The following TNRC6B variants were observed in gnomAD, a reference collection of about 807,000 sequenced individuals.
TNRC6B encodes trinucleotide repeat containing adaptor 6B.
A neutral mutation model predicts 203.6 loss-of-function variants in TNRC6B; 52 were observed. That is an observed-to-expected ratio of 0.26 (90% CI 0.20 to 0.32). The LOEUF (loss-of-function observed/expected upper bound fraction) is 0.32, where lower values mean the gene tolerates loss of function less well. TNRC6B is among the 10% of genes least tolerant of loss of function. TNRC6B has a pLI of 1.00. For missense variants in TNRC6B, 1,923 were observed against 2,286.2 expected, an observed-to-expected ratio of 0.84 and a Z score of 3.24; for synonymous variants, 838 against 845.7, an observed-to-expected ratio of 0.99 and a Z score of 0.16.
At chr22:40,235,915 C>G (rs192820243) in intron 1 of TNRC6B, among the ~76,000 whole-genome samples, 1 of 152,272 alleles carries the variant, frequency 6.6e-6, no homozygotes, top group African/African-American at 2.4e-5. Context: ...GAGTCCTTGA[C>G]AAAATTTCAA....
chr22:40,161,275 A>G (rs1419438994), intron 4 of TNRC6B, among the ~76,000 whole-genome samples: 2 of 152,158 alleles, frequency 1.3e-5, no homozygotes, highest in East Asian at 3.8e-4. Context: ...AGTTTTGTAT[A>G]TGGTGTGAGG....
At chr22:40,072,591 A>G (rs1428810602) in intron 1 of TNRC6B, among the ~76,000 whole-genome samples, 6 of 152,146 alleles carry the variant, frequency 3.9e-5, no homozygotes, top group Non-Finnish European at 5.9e-5. Context: ...TGGCCTGGCA[A>G]GGTGGCTGAG....
chr22:40,114,555 T>G (rs2068370189), intron 1 of TNRC6B, among the ~76,000 whole-genome samples: 1 of 152,172 alleles, frequency 6.6e-6, no homozygotes, highest in African/African-American at 2.4e-5. Flanking sequence ...ACTCCTGAGC[T>G]TAACTGATCC....
At position 40,280,006 on chromosome 22, in the gene TNRC6B, G is replaced by A. The variant is rs1239744856; in HGVS notation, c.3274G>A (p.Asp1092Asn). 1 of 1,613,756 alleles carries A rather than the reference G, an allele frequency of 6.2e-7. No individual in the cohort carries two copies. The highest frequency in any genetic ancestry group is 8.5e-7 in the Non-Finnish European group (1 of 1,179,842). ...KMDLSVGSLS[D>N]KKFDVDKRAM... Reference sequence around the variant, plus strand: ...ATGCTACTTTTCAGGAAGCCTTTCAGATAAAAAATTTGATGTGGACAAGCG... The same window carrying A: ...ATGCTACTTTTCAGGAAGCCTTTCAAATAAAAAATTTGATGTGGACAAGCG... Residue 1092 changes from aspartate to asparagine, a missense_variant, in exon 10 of 23, where the codon GAT (aspartate) becomes AAT (asparagine). This residue lies in a region of TNRC6B where 599 missense variants were observed against 656.5 expected (regional missense o/e 0.91). Transcript: ENST00000454349.
chr22:40,285,698 C>T lies in TNRC6B; in HGVS notation c.3636C>T (p.His1212=). 3 of 1,613,994 alleles carry T rather than the reference C, an allele frequency of 1.9e-6. No individual in the cohort carries two copies. The highest frequency in any genetic ancestry group is 2.5e-6 in the Non-Finnish European group (3 of 1,179,894). Residue 1212 remains histidine (H), a synonymous_variant, in exon 12 of 23, where the codon CAC becomes CAT. Transcript: ENST00000454349. The stretch of plus-strand genomic sequence containing the variant: ...GCACAGCACAATCGAGAGGTCTGCA[C>T]ACACCCGTGCAGCCACTAAATTCTT... ...GNSTAQSRGL[H]TPVQPLNSSP...
At chr22:40,150,003 G>C (rs2068734332) in intron 3 of TNRC6B, among the ~76,000 whole-genome samples, 1 of 146,170 alleles carries the variant, frequency 6.8e-6, no homozygotes, top group Non-Finnish European at 1.5e-5. Flanking sequence ...ACAAAAAATT[G>C]AAAATAGTTT....
intron 1 of TNRC6B, among the ~76,000 whole-genome samples, chr22:40,083,778 C>A (rs140873852): frequency 1.3e-5 from 2 of 151,988 alleles, no homozygotes; most frequent in African/African-American, 2.4e-5. Context: ...AAAATTGATG[C>A]AGATTCAGGT....
chr22:40,107,144 T>C, intron 1 of TNRC6B: 1 of 578,700 alleles, frequency 1.7e-6, no homozygotes, highest in Non-Finnish European at 3.0e-6. Flanking sequence ...GTTTGTCAGG[T>C]TTTTAATACT....
chr22:40,105,079 A>G (rs1601817712), intron 1 of TNRC6B, among the ~76,000 whole-genome samples: 1 of 152,212 alleles, frequency 6.6e-6, no homozygotes, highest in South Asian at 2.1e-4. Flanking sequence ...AGGTAAAGAA[A>G]GCACACGATT....
At chr22:40,221,106 G>A (rs2069701940) in intron 1 of TNRC6B, among the ~76,000 whole-genome samples, 1 of 152,092 alleles carries the variant, frequency 6.6e-6, no homozygotes, top group Non-Finnish European at 1.5e-5. Context: ...GTCGATACCT[G>A]TAGCATTCCT....
At chr22:40,244,231 G>A (rs2070072725) in intron 1 of TNRC6B, among the ~76,000 whole-genome samples, 1 of 152,196 alleles carries the variant, frequency 6.6e-6, no homozygotes, top group African/African-American at 2.4e-5. Flanking sequence ...GGGCACTGCT[G>A]CTGCAGGTGG....
intron 3 of TNRC6B, among the ~76,000 whole-genome samples, chr22:40,136,011 G>A (rs1313046330): frequency 6.6e-6 from 1 of 152,164 alleles, no homozygotes; most frequent in African/African-American, 2.4e-5. Context: ...TCAGGAGTTA[G>A]GAGAGCAAGA....
intron 4 of TNRC6B, among the ~76,000 whole-genome samples, chr22:40,165,094 CTTT>C (rs764182245): frequency 3.1e-5 from 4 of 130,738 alleles, no homozygotes; most frequent in Admixed American, 7.7e-5. Flanking sequence ...CCCCCCGGCT[CTTT>C]TTTTTTTTTT....
At chr22:40,179,001 C>G (rs987575782) in intron 1 of TNRC6B, among the ~76,000 whole-genome samples, 5 of 152,198 alleles carry the variant, frequency 3.3e-5, no homozygotes, top group Admixed American at 1.3e-4. Flanking sequence ...TAATTTTACA[C>G]AGATGCAAAA....
chr22:40,246,224 C>T, intron 2 of TNRC6B, 122 bp downstream of exon 2: 3 of 723,626 alleles, frequency 4.1e-6, no homozygotes, highest in Non-Finnish European at 6.4e-6. Context: ...GAGTCTTGCT[C>T]TGTCACCTAG....
Position 40,333,108 on chromosome 22 carries a change from C to G in TNRC6B, c.*9867C>G, listed in dbSNP as rs1340130989. 6.6e-6 allele frequency: 1 copy of G among 152,260 alleles called. No individual in the cohort carries two copies. Among genetic ancestry groups the G allele is most frequent in the African/African-American group, 2.4e-5 (1 of 41,430 alleles). The allele number at this position is 152,260 out of a possible 1,614,324, so 9.4% of individuals were successfully genotyped here. A position where few individuals can be genotyped will look rare whatever the true frequency, so the allele number is the denominator to read the frequency against. On this transcript the variant is annotated 3_prime_UTR_variant, in exon 23 of 23. Transcript: ENST00000454349. ...CCAGTAATCCCAGCACTTTGGGAGG[C>G]TGAGGCAGGCAGATCATCTGAGGTC...
intron 1 of TNRC6B, among the ~76,000 whole-genome samples, chr22:40,189,434 T>C (rs976217105): frequency 6.6e-6 from 1 of 151,530 alleles, no homozygotes; most frequent in Non-Finnish European, 1.5e-5. Flanking sequence ...AGAACACACT[T>C]CAGTACATTT....
chr22:40,270,197 G>A lies in TNRC6B; in HGVS notation c.2882G>A (p.Gly961Glu). The A allele has an allele frequency of 1.3e-6, 2 of 1,565,694 alleles. No homozygotes were observed. The highest frequency in any genetic ancestry group is 8.7e-7 in the Non-Finnish European group (1 of 1,154,620). Residue 961 changes from glycine to glutamate, a missense_variant, in exon 6 of 23, where the codon GGG (glycine) becomes GAG (glutamate). By Grantham distance (98) the Gly-to-Glu change is moderately conservative. Around this residue, in one of 8 missense-constraint regions of TNRC6B, gnomAD observed 599 missense variants for 656.5 expected, o/e 0.91. Transcript: ENST00000454349. ...AWGEPNESSP[G>E]WGEMDDTGAS... is the part of the protein sequence containing the mutation. ...GGTGAGCCAAATGAAAGCAGTCCTG[G>A]GTGGGGCGAGATGGATGATACAGGA... is the stretch of plus-strand genomic sequence containing the variant.
At chr22:40,280,437 C>G (rs979700413) in intron 10 of TNRC6B, among the ~76,000 whole-genome samples, 1 of 152,208 alleles carries the variant, frequency 6.6e-6, no homozygotes, top group Non-Finnish European at 1.5e-5. Context: ...TTTTCCGCTG[C>G]TGTGCAGCTA....
Sources: gnomAD v4.1 joint callset for allele counts (sites outside exome capture counted in the v4.1 genomes callset) on GRCh38, gnomAD v4.1.1 for gene constraint, gnomAD v4.1.1 regional missense constraint, MANE v1.5 for transcripts, NCBI Gene and HGNC (gene_info 2026-07-23, HGNC 2026-07-21) for gene names.